The following PRKDC variants were observed in gnomAD, a reference collection of about 807,000 sequenced individuals.
PRKDC encodes the protein protein kinase, DNA-activated, catalytic subunit.
A neutral mutation model predicts 486.9 loss-of-function variants in PRKDC; 82 were observed. That is an observed-to-expected ratio of 0.17 (90% CI 0.14 to 0.20). PRKDC has a LOEUF of 0.20. PRKDC is among the 10% of genes least tolerant of loss of function. The pLI is 1.00. For synonymous variants in PRKDC, 1,895 were observed against 1,837.0 expected (o/e 1.03, Z -0.81); for missense variants, 4,504 against 5,038.2 (o/e 0.89, Z 3.21).
At position 47,853,173 on chromosome 8, in the gene PRKDC, C is replaced by T. The variant is rs8178168; in HGVS notation, c.6894-389G>A. Among the ~76,000 whole-genome samples, 5 of 152,214 alleles carry T rather than the reference C, an allele frequency of 3.3e-5. 1 individual carries two copies. The highest frequency in any genetic ancestry group is 1.9e-4 in the East Asian group (1 of 5,192). The stretch of plus-strand genomic sequence containing the variant: ...ATGAGAAAGAGCATACTCCCAGTGC[C>T]GTCTGTGTGAGGAGGCTTCCCAGGG... On this transcript the variant is annotated intron_variant, in intron 51 of 85. Coordinates refer to ENST00000314191, the MANE Select transcript of PRKDC (RefSeq NM_006904.7).
chr8:47,810,415 TG>T (rs2087302258), intron 68 of PRKDC, among the ~76,000 whole-genome samples: 1 of 152,242 alleles, frequency 6.6e-6, no homozygotes. Flanking sequence ...ATCATATGTG[TG>T]TATGTATAGG....
In PRKDC at chr8:47,836,542, G is replaced by A. The variant is rs1371717602; in HGVS notation, c.7762-15C>T. 6.4e-7 allele frequency: 1 copy of A among 1,560,988 alleles called. No individual in the cohort carries two copies. Among genetic ancestry groups the A allele is most frequent in the Non-Finnish European group, 8.7e-7 (1 of 1,149,780 alleles). ...ATGGTATATTCCTGTACATAAGAAA[G>A]TTTCAAATGAAATAAAGTTTCAAAT... On this transcript the variant is annotated splice_polypyrimidine_tract_variant and intron_variant, in intron 57 of 85. Coordinates refer to ENST00000314191, the MANE Select transcript of PRKDC (RefSeq NM_006904.7).
At chr8:47,797,752 G>A (rs1004907376) in intron 73 of PRKDC, among the ~76,000 whole-genome samples, 1 of 152,186 alleles carries the variant, frequency 6.6e-6, no homozygotes, top group Non-Finnish European at 1.5e-5. Context: ...GGAAGGGTGC[G>A]GGTTCCTCCC....
intron 3 of PRKDC, 94 bp downstream of exon 3, chr8:47,957,076 GT>G (rs1232644794): frequency 2.7e-6 from 2 of 738,334 alleles, no homozygotes; most frequent in African/African-American, 3.7e-5. Context: ...AAAGGAAAAT[GT>G]TTTATCTTTA....
intron 7 of PRKDC, among the ~76,000 whole-genome samples, chr8:47,950,612 G>C (rs1433784856): frequency 7.0e-6 from 1 of 142,634 alleles, no homozygotes; most frequent in Non-Finnish European, 1.5e-5. Context: ...CTGGGCGACA[G>C]AGCAAGACTC....
intron 52 of PRKDC, among the ~76,000 whole-genome samples, chr8:47,852,027 G>C (rs1488771181): frequency 6.6e-6 from 1 of 152,182 alleles, no homozygotes; most frequent in Admixed American, 6.5e-5. Context: ...AAGGTGGGAG[G>C]ATGGCTTGAG....
rs1043839422 is a variant in PRKDC at position 47,939,400 on chromosome 8, T to A, written c.1113+151A>T. 3.7e-6 allele frequency: 3 copies of A among 813,598 alleles called. No individual in the cohort carries two copies. The African/African-American group carries it at 5.2e-5, about 14-fold the overall frequency. 50.4% of individuals were successfully genotyped at this position (813,598 alleles called of 1,614,324 possible). Reference sequence around the variant, plus strand: ...TCCGTATGGTAGAAAAACATCTGCATGTAAGTGAGCCTGTGCAGTTCACGC... The same window carrying A: ...TCCGTATGGTAGAAAAACATCTGCAAGTAAGTGAGCCTGTGCAGTTCACGC... On this transcript the variant is annotated intron_variant, in intron 11 of 85. Transcript: ENST00000314191.
At chr8:47,776,008 G>A (rs2086602526) in intron 85 of PRKDC, among the ~76,000 whole-genome samples, 1 of 152,052 alleles carries the variant, frequency 6.6e-6, no homozygotes, top group South Asian at 2.1e-4. Flanking sequence ...ATTTTTAGTA[G>A]AGATGGGGTT....
chr8:47,781,908 A>T (rs2086705206), intron 80 of PRKDC, among the ~76,000 whole-genome samples: 1 of 152,252 alleles, frequency 6.6e-6, no homozygotes, highest in Non-Finnish European at 1.5e-5. Flanking sequence ...ATGTTATCTG[A>T]TAATTTTATT....
At chr8:47,900,953 G>A (rs2089670051) in intron 27 of PRKDC, among the ~76,000 whole-genome samples, 1 of 151,666 alleles carries the variant, frequency 6.6e-6, no homozygotes, top group Admixed American at 6.6e-5. Flanking sequence ...TTCGAGACCA[G>A]CCTGGGCAAC....
chr8:47,944,382 G>C (rs2090495069), intron 7 of PRKDC, among the ~76,000 whole-genome samples: 1 of 150,838 alleles, frequency 6.6e-6, no homozygotes. Context: ...TTTTAGGATA[G>C]TCTGGAGGAT....
chr8:47,954,292 A>G (rs953792280), intron 5 of PRKDC, 46 bp downstream of exon 5: 2 of 820,932 alleles, frequency 2.4e-6, no homozygotes, highest in Non-Finnish European at 1.8e-6. Context: ...ATTTGTTAAT[A>G]TTAATTTGCT....
rs772021510 is a variant in PRKDC at position 47,929,877 on chromosome 8, A to T, written c.2028T>A (p.Asn676Lys). 5.0e-6 allele frequency: 8 copies of T among 1,596,534 alleles called. No individual in the cohort carries two copies. The Admixed American group carries it at 1.5e-4, about 29-fold the overall frequency. ...FYKLLSITVR[N>K]AKKIKYFEGV... The stretch of plus-strand genomic sequence containing the variant: ...CCTCGAAATATTTTATTTTCTTGGC[A>T]TTTCTTACTGTAATAGAAAGCAATT... The change falls in exon 18 of 86, where the codon AAT becomes AAA. Residue 676 changes from asparagine to lysine, a missense_variant. Transcript: ENST00000314191.
At chr8:47,908,485 C>A (rs965589701) in intron 25 of PRKDC, among the ~76,000 whole-genome samples, 1 of 152,114 alleles carries the variant, frequency 6.6e-6, no homozygotes, top group Non-Finnish European at 1.5e-5. Flanking sequence ...CCTATCTGTA[C>A]AAACTTTATA....
chr8:47,786,927 C>T (rs1372267525), intron 76 of PRKDC, among the ~76,000 whole-genome samples: 3 of 151,738 alleles, frequency 2.0e-5, no homozygotes, highest in Non-Finnish European at 2.9e-5. Flanking sequence ...ATGGGTTTCA[C>T]CATGTTGGCC....
chr8:47,811,624 TAAAC>T (rs1161880921), intron 68 of PRKDC, among the ~76,000 whole-genome samples: 11 of 152,158 alleles, frequency 7.2e-5, no homozygotes, highest in African/African-American at 2.7e-4. Context: ...ACTTCACAGA[TAAAC>T]ACACATGAAA....
chr8:47,929,993 G>T lies in PRKDC; in HGVS notation c.1912C>A (p.Gln638Lys). 6.2e-7 allele frequency: 1 copy of T among 1,603,734 alleles called. No individual in the cohort carries two copies. Among genetic ancestry groups the T allele is most frequent in the Non-Finnish European group, 8.5e-7 (1 of 1,176,962 alleles). Reference protein sequence around the residue: ...EFCREILPEKQAEFFEPWVYS... With the variant: ...EFCREILPEKKAEFFEPWVYS... ...ACCCATGGTTCAAAAAATTCTGCTTGTTTCTCAGGGAGAATCTCTCTGTAA... is the reference window on the plus strand; with the variant it reads ...ACCCATGGTTCAAAAAATTCTGCTTTTTTCTCAGGGAGAATCTCTCTGTAA... Residue 638 changes from glutamine (Q) to lysine (K), a missense_variant, in exon 18 of 86, where the codon CAA becomes AAA. Physicochemically the swap from Gln to Lys is moderately conservative, Grantham distance 53. This residue lies in a region of PRKDC where 1,969 missense variants were observed against 2,068.9 expected (regional missense o/e 0.95). Coordinates refer to ENST00000314191, the MANE Select transcript of PRKDC (RefSeq NM_006904.7).
At position 47,930,780 on chromosome 8, in the gene PRKDC, T is replaced by C. The variant is rs1195364586; in HGVS notation, c.1784A>G (p.Asp595Gly). 1.9e-6 allele frequency: 3 copies of C among 1,571,646 alleles called. No individual in the cohort carries two copies. Reference protein sequence around the residue: ...IQTVGEQENGDEAPGVWMIPT... With the variant: ...IQTVGEQENGGEAPGVWMIPT... ...GATCATCCAAACACCAGGCGCCTCA[T>C]CTCCATTCTTAAAGAGTAATTGTAG... is the stretch of plus-strand genomic sequence containing the variant. The change falls in exon 17 of 86, where the codon GAT (aspartate) becomes GGT (glycine). Residue 595 changes from aspartate (D) to glycine (G), a missense_variant. Coordinates refer to ENST00000314191, the MANE Select transcript of PRKDC (RefSeq NM_006904.7).
At chr8:47,825,054 C>T (rs2087702414) in intron 63 of PRKDC, among the ~76,000 whole-genome samples, 1 of 152,126 alleles carries the variant, frequency 6.6e-6, no homozygotes, top group African/African-American at 2.4e-5. Flanking sequence ...GGTAATAAAT[C>T]AGCAGTAAAG....
Sources: allele counts gnomAD v4.1 joint callset (sites outside exome capture counted in the v4.1 genomes callset), GRCh38; gene constraint gnomAD v4.1.1; regional missense constraint gnomAD v4.1.1; transcripts MANE v1.5; gene names NCBI Gene and HGNC (gene_info 2026-07-23, HGNC 2026-07-21).